Variants in ADCY5 observed in about 807,000 individuals in gnomAD.
The protein encoded by ADCY5 is adenylate cyclase 5.
ADCY5 carries 30 observed loss-of-function variants against 119.7 expected under a neutral mutation model. That is an observed-to-expected ratio of 0.25 (90% CI 0.19 to 0.34). ADCY5 has a LOEUF of 0.34. Ranked by LOEUF, ADCY5 falls within the 10% of genes least tolerant of loss-of-function variation. ADCY5 has a pLI of 1.00. For synonymous variants in ADCY5, 753 were observed against 762.2 expected (o/e 0.99, Z 0.20); for missense variants, 1,324 against 1,775.2 (o/e 0.75, Z 4.57).
intron 1 of ADCY5, among the ~76,000 whole-genome samples, chr3:123,415,671 C>T (rs2107630678): frequency 6.6e-6 from 1 of 152,282 alleles, no homozygotes; most frequent in East Asian, 1.9e-4. Flanking sequence ...AAAGCCCAGG[C>T]CTCTGGGTCT....
In ADCY5 at chr3:123,345,769, G is replaced by GACACACACACACACACACACACAC. The variant is rs56185421; in HGVS notation, c.1406+1989_1406+2012dup. 1.3e-3 allele frequency among the ~76,000 whole-genome samples: 150 copies of GACACACACACACACACACACACAC among 113,812 alleles called. 4 individuals carry two copies. Among genetic ancestry groups the GACACACACACACACACACACACAC allele is most frequent in the African/African-American group, 5.4e-3 (136 of 25,356 alleles). The allele number at this position is 113,812 out of a possible 152,430, so 74.7% of individuals were successfully genotyped here. On this transcript the variant is annotated intron_variant, in intron 3 of 20. Transcript: ENST00000462833. Reference sequence around the variant, plus strand: ...AGACAGACAGACAGACAGACAGACAGACACACACACACACACACACACACA... The same window carrying GACACACACACACACACACACACAC: ...AGACAGACAGACAGACAGACAGACAGACACACACACACACACACACACACACACACACACACACACACACACACA...
chr3:123,311,358 T>C (rs1314249908), intron 12 of ADCY5, among the ~76,000 whole-genome samples: 3 of 152,138 alleles, frequency 2.0e-5, no homozygotes, highest in African/African-American at 7.2e-5. Context: ...CTGCAGTGAG[T>C]GTGCCACGGT....
intron 12 of ADCY5, among the ~76,000 whole-genome samples, chr3:123,310,663 G>A (rs1201442498): frequency 6.6e-6 from 1 of 152,196 alleles, no homozygotes; most frequent in East Asian, 1.9e-4. Context: ...GAAGTCAAGG[G>A]AAGGAGGTTG....
intron 1 of ADCY5, among the ~76,000 whole-genome samples, chr3:123,375,245 G>C (rs1452462840): frequency 6.6e-6 from 1 of 152,362 alleles, no homozygotes; most frequent in African/African-American, 2.4e-5. Flanking sequence ...GTGTGTGAAA[G>C]TATGCATGAG....
In ADCY5 at chr3:123,311,939, T is replaced by A. The variant is rs115606630; in HGVS notation, c.2442+2296A>T. On this transcript the variant is annotated intron_variant, in intron 12 of 20. Coordinates refer to ENST00000462833, the MANE Select transcript of ADCY5 (RefSeq NM_183357.3). ...AGAACTGAGAACTTGCTCAGTGAAT[T>A]TGGCACTGATAACAAAATAGGCAAA... Among the ~76,000 whole-genome samples the A allele has an allele frequency of 7.8e-3, 1,194 of 152,202 alleles. 13 individuals carry two copies. Among genetic ancestry groups the A allele is most frequent in the African/African-American group, 0.025 (1,022 of 41,512 alleles).
At chr3:123,432,497 G>C (rs1945541365) in intron 1 of ADCY5, among the ~76,000 whole-genome samples, 1 of 152,140 alleles carries the variant, frequency 6.6e-6, no homozygotes, top group Non-Finnish European at 1.5e-5. Context: ...AGGGAGAGGA[G>C]ATGAAAACCA....
Position 123,319,030 on chromosome 3 carries a change from G to A in ADCY5, c.2256+644C>T, listed in dbSNP as rs192145944. Among the ~76,000 whole-genome samples, 22 of 152,258 alleles carry A rather than the reference G, an allele frequency of 1.4e-4. No homozygotes were observed. The East Asian group carries it at 3.9e-3, about 27-fold the overall frequency. ...ATGCAAATAGCAACTAATATGCACC[G>A]AACGCCTACTATGCGACAGATACTG... is the stretch of plus-strand genomic sequence containing the variant. On this transcript the variant is annotated intron_variant, in intron 10 of 20. Coordinates refer to ENST00000462833, the MANE Select transcript of ADCY5 (RefSeq NM_183357.3).
At chr3:123,420,459 G>A (rs115293454) in intron 1 of ADCY5, among the ~76,000 whole-genome samples, 1,798 of 152,258 alleles carry the variant, frequency 0.012, 22 homozygotes, top group African/African-American at 0.038. Flanking sequence ...TAGGAAGTGC[G>A]CTAAGAAAGA....
chr3:123,290,106 G>C, intron 18 of ADCY5, 152 bp from the exon 19 acceptor site: 1 of 787,320 alleles, frequency 1.3e-6, no homozygotes, highest in Non-Finnish European at 2.1e-6. Flanking sequence ...TCATCAGTGT[G>C]ATGCCCGCAA....
At chr3:123,300,068 C>G in intron 15 of ADCY5, 52 bp downstream of exon 15, 1 of 1,588,516 alleles carries the variant, frequency 6.3e-7, no homozygotes, top group Non-Finnish European at 8.6e-7. Context: ...CTCTTGCCAC[C>G]TCCCTGCAAT....
chr3:123,287,124 C>T (rs1026200066), intron 19 of ADCY5: 14 of 245,340 alleles, frequency 5.7e-5, no homozygotes, highest in African/African-American at 8.9e-5. Context: ...GCCATTTAGG[C>T]GCAACCTATC....
intron 1 of ADCY5, among the ~76,000 whole-genome samples, chr3:123,369,590 A>G (rs1943563859): frequency 6.6e-6 from 1 of 152,192 alleles, no homozygotes; most frequent in Non-Finnish European, 1.5e-5. Context: ...GCTGACCTTG[A>G]GCATATCACT....
chr3:123,294,991 T>TGCCCCAGCCCAGGGC (rs1237713269), intron 17 of ADCY5, among the ~76,000 whole-genome samples: 1 of 152,014 alleles, frequency 6.6e-6, no homozygotes, highest in Non-Finnish European at 1.5e-5. Flanking sequence ...TTCCCCAGGG[T>TGCCCCAGCCCAGGGC]GCCCCAGCCC....
rs1258221445 is a variant in ADCY5, at chr3:123,282,573, C to T, written c.*2035G>A. The T allele has an allele frequency of 6.6e-6, 1 of 152,404 alleles. No individual in the cohort carries two copies. Among genetic ancestry groups the T allele is most frequent in the Non-Finnish European group, 1.5e-5 (1 of 68,142 alleles). 9.4% of individuals were successfully genotyped at this position (152,404 alleles called of 1,614,324 possible). A position where few individuals can be genotyped will look rare whatever the true frequency, so the allele number is the denominator to read the frequency against. On this transcript the variant is annotated 3_prime_UTR_variant, in exon 21 of 21. Coordinates refer to ENST00000462833, the MANE Select transcript of ADCY5 (RefSeq NM_183357.3). ...GGTTGGAAGCAGAACGAAAACCCAA[C>T]ACCACTGGCGGGCGATGTGGAGGGG...
At chr3:123,350,440 A>G (rs1942783119) in intron 2 of ADCY5, among the ~76,000 whole-genome samples, 1 of 152,254 alleles carries the variant, frequency 6.6e-6, no homozygotes, top group Non-Finnish European at 1.5e-5. Context: ...TGATAGAAAT[A>G]GGAATTAAAA....
intron 1 of ADCY5, among the ~76,000 whole-genome samples, chr3:123,376,496 G>T (rs1488865958): frequency 6.6e-6 from 1 of 152,130 alleles, no homozygotes; most frequent in Non-Finnish European, 1.5e-5. Flanking sequence ...GTATATTTTT[G>T]AGAAAAGTGT....
At chr3:123,288,241 T>C (rs1938911838) in intron 19 of ADCY5, among the ~76,000 whole-genome samples, 1 of 152,254 alleles carries the variant, frequency 6.6e-6, no homozygotes, top group South Asian at 2.1e-4. Flanking sequence ...ACAGGAATGA[T>C]CACAATACTG....
Position 123,358,154 on chromosome 3 carries a change from A to ATGTGTGTGTG in ADCY5, c.1135-5574_1135-5573insCACACACACA, listed in dbSNP as rs1559834360. On this transcript the variant is annotated intron_variant, in intron 1 of 20. Transcript: ENST00000462833. ...CGGGACACATCTAACCACATGGAAC[A>ATGTGTGTGTG]CGTGTGTGTGTGTGTGTGTGTGTGT... Among the ~76,000 whole-genome samples the ATGTGTGTGTG allele has an allele frequency of 2.0e-4, 16 of 81,236 alleles. No homozygotes were observed. The East Asian group carries it at 5.1e-3, about 26-fold the overall frequency. The allele number at this position is 81,236 out of a possible 152,430, so 53.3% of individuals were successfully genotyped here. A position where few individuals can be genotyped will look rare whatever the true frequency, so the allele number is the denominator to read the frequency against.
intron 3 of ADCY5, among the ~76,000 whole-genome samples, chr3:123,336,438 C>T (rs1942028438): frequency 6.6e-6 from 1 of 152,268 alleles, no homozygotes; most frequent in Non-Finnish European, 1.5e-5. Flanking sequence ...ACTTCAAACA[C>T]AAAGCTGGCA....
Sources: allele counts gnomAD v4.1 joint callset (sites outside exome capture counted in the v4.1 genomes callset), GRCh38; gene constraint gnomAD v4.1.1; transcripts MANE v1.5; gene names NCBI Gene and HGNC (gene_info 2026-07-23, HGNC 2026-07-21).